The following HIPK1 variants were observed in gnomAD, a reference collection of about 807,000 sequenced individuals.
The protein encoded by HIPK1 is homeodomain-interacting protein kinase 1.
HIPK1 carries 28 observed loss-of-function variants against 117.1 expected under a neutral mutation model. That is an observed-to-expected ratio of 0.24 (90% confidence interval 0.18 to 0.33). HIPK1 has a LOEUF of 0.33. Among genes scored for constraint, HIPK1 ranks in the 10% least tolerant of loss-of-function variants. The pLI is 1.00. For missense variants in HIPK1, 1,122 were observed against 1,475.1 expected (o/e 0.76, Z 3.92); for synonymous variants, 605 against 562.5 (o/e 1.08, Z -1.07).
In HIPK1 at chr1:113,977,708, T is replaced by A. The variant is rs1673213015; in HGVS notation, c.*4196T>A. 1 of 152,732 alleles carries A rather than the reference T, an allele frequency of 6.5e-6. No individual in the cohort carries two copies. Among genetic ancestry groups the A allele is most frequent in the East Asian group, 1.9e-4 (1 of 5,252 alleles). The allele number at this position is 152,732 out of a possible 1,614,324, so 9.5% of individuals were successfully genotyped here. A position where few individuals can be genotyped will look rare whatever the true frequency, so the allele number is the denominator to read the frequency against. On this transcript the variant is annotated 3_prime_UTR_variant, in exon 16 of 16. Coordinates refer to ENST00000426820, the MANE Select transcript of HIPK1 (RefSeq NM_198268.3). The stretch of plus-strand genomic sequence containing the variant: ...TTGGATTCAATGTTTGTCTTTGGTT[T>A]TACAAAGTAGCTTGTATTTTCAGTA...
chr1:113,956,239 T>C (rs1191387946), intron 5 of HIPK1, among the ~76,000 whole-genome samples: 1 of 152,000 alleles, frequency 6.6e-6, no homozygotes, highest in East Asian at 1.9e-4. Context: ...CATGCCCGGC[T>C]AATTTTTGTA....
In HIPK1 at chr1:113,974,755, A is replaced by G. The variant is rs902838933; in HGVS notation, c.*1243A>G. The G allele has an allele frequency of 6.6e-6, 1 of 152,660 alleles. No homozygotes were observed. The highest frequency in any genetic ancestry group is 2.4e-5 in the African/African-American group (1 of 41,454). 9.5% of individuals were successfully genotyped at this position (152,660 alleles called of 1,614,324 possible). A position where few individuals can be genotyped will look rare whatever the true frequency, so the allele number is the denominator to read the frequency against. On this transcript the variant is annotated 3_prime_UTR_variant, in exon 16 of 16. Coordinates refer to ENST00000426820, the MANE Select transcript of HIPK1 (RefSeq NM_198268.3). ...GAAGTTTTGTAATGGTGGTGTTTTA[A>G]TATTTTACATAATTAAATATGTACA...
chr1:113,956,588 G>A, intron 5 of HIPK1, 39 bp from the exon 6 acceptor site: 1 of 1,518,434 alleles, frequency 6.6e-7, no homozygotes, highest in Non-Finnish European at 9.1e-7. Flanking sequence ...AGTGCCAAAG[G>A]TTAAGTGAAG....
chr1:113,938,493 C>G lies in HIPK1; in HGVS notation c.-2-1889C>G, dbSNP rs369065663. ...ATGGTTAAGAAGAGAGAGCAGTTAT[C>G]TGATTTGCATTGTTTAAAAGCAAAG... On this transcript the variant is annotated intron_variant, in intron 1 of 15. Transcript: ENST00000426820. Among the ~76,000 whole-genome samples, 4 of 152,094 alleles carry G rather than the reference C, an allele frequency of 2.6e-5. No individual in the cohort carries two copies. The East Asian group carries it at 5.8e-4, about 22-fold the overall frequency.
At chr1:113,950,746 A>G (rs1671304269) in intron 2 of HIPK1, among the ~76,000 whole-genome samples, 1 of 151,904 alleles carries the variant, frequency 6.6e-6, no homozygotes. Flanking sequence ...CAAGCAATCC[A>G]CTCACCTTGG....
intron 14 of HIPK1, 148 bp downstream of exon 14, chr1:113,970,345 C>A: frequency 1.2e-6 from 1 of 824,860 alleles, no homozygotes; most frequent in Non-Finnish European, 1.9e-6. Flanking sequence ...GTTCCCTGCA[C>A]AATGTGAAAT....
chr1:113,945,334 C>T (rs1670921606), intron 2 of HIPK1, among the ~76,000 whole-genome samples: 1 of 152,142 alleles, frequency 6.6e-6, no homozygotes, highest in African/African-American at 2.4e-5. Flanking sequence ...AAGTTTTTAA[C>T]TTTGGTGAAG....
At chr1:113,951,162 T>C (rs1340910095) in intron 2 of HIPK1, 1 of 901,560 alleles carries the variant, frequency 1.1e-6, no homozygotes, top group African/African-American at 1.8e-5. Flanking sequence ...GCAATATTTA[T>C]GTGTCATTTA....
At chr1:113,956,043 C>CACTATT (rs1332674508) in intron 5 of HIPK1, among the ~76,000 whole-genome samples, 1 of 147,518 alleles carries the variant, frequency 6.8e-6, no homozygotes, top group African/African-American at 2.5e-5. Flanking sequence ...TAGTAACAAT[C>CACTATT]ACTATTGCTT....
chr1:113,960,797 C>G (rs886566966), intron 8 of HIPK1, among the ~76,000 whole-genome samples: 1 of 152,082 alleles, frequency 6.6e-6, no homozygotes, highest in African/African-American at 2.4e-5. Context: ...TTACTATGCC[C>G]TCTTATTTTG....
chr1:113,954,960 T>C (rs944150099), intron 4 of HIPK1, among the ~76,000 whole-genome samples, 190 bp downstream of exon 4: 8 of 152,248 alleles, frequency 5.3e-5, no homozygotes, highest in Admixed American at 4.6e-4. Flanking sequence ...AATTGCTAGT[T>C]CAGTTGGCTG....
chr1:113,962,213 C>A, intron 8 of HIPK1, 104 bp from the exon 9 acceptor site: 1 of 1,210,642 alleles, frequency 8.3e-7, no homozygotes. Flanking sequence ...GGATTAAAAC[C>A]TGAACAGTGG....
chr1:113,946,242 T>C (rs116773414), intron 2 of HIPK1, among the ~76,000 whole-genome samples: 99 of 152,272 alleles, frequency 6.5e-4, no homozygotes, highest in Non-Finnish European at 2.4e-4. Context: ...CACTGAAGAA[T>C]TCAGCGCAGC....
intron 3 of HIPK1, 114 bp downstream of exon 3, chr1:113,953,003 A>G (rs1361878564): frequency 1.0e-6 from 1 of 969,706 alleles, no homozygotes; most frequent in Non-Finnish European, 1.4e-6. Flanking sequence ...GGGAAAGAGT[A>G]GTCCAATTGC....
Position 113,955,652 on chromosome 1 carries a change from G to T in HIPK1, c.1407+3G>T, listed in dbSNP as rs776093509. The T allele has an allele frequency of 4.5e-6, 7 of 1,556,250 alleles. No homozygotes were observed. Among genetic ancestry groups the T allele is most frequent in the East Asian group, 4.5e-5 (2 of 44,454 alleles). On this transcript the variant is annotated splice_donor_region_variant and intron_variant, in intron 5 of 15. Coordinates refer to ENST00000426820, the MANE Select transcript of HIPK1 (RefSeq NM_198268.3). ...ATTGCTTAGATGACATGGCTCAGGT[G>T]AGTACGGAAAGTTTCAGAAAGTCAG... is the stretch of plus-strand genomic sequence containing the variant.
chr1:113,966,874 C>G (rs1672485846), intron 11 of HIPK1, among the ~76,000 whole-genome samples: 2 of 150,606 alleles, frequency 1.3e-5, no homozygotes, highest in African/African-American at 4.9e-5. Context: ...CCATCCCTAC[C>G]TCCCCACTAG....
In HIPK1 at chr1:113,949,270, G is replaced by A. The variant is rs550590656; in HGVS notation, c.1077-3496G>A. On this transcript the variant is annotated intron_variant, in intron 2 of 15. Transcript: ENST00000426820. ...ATCAATATGCTGCCCTCCAATTGATGCTTTGGAATGTTCTAAACCCAGTTT... is the reference window on the plus strand; with the variant it reads ...ATCAATATGCTGCCCTCCAATTGATACTTTGGAATGTTCTAAACCCAGTTT... Among the ~76,000 whole-genome samples the A allele has an allele frequency of 2.8e-3, 431 of 152,262 alleles. 2 individuals carry two copies. The highest frequency in any genetic ancestry group is 4.6e-3 in the Non-Finnish European group (315 of 68,010).
chr1:113,941,559 G>T lies in HIPK1; in HGVS notation c.1076+100G>T. ...ACATATAGCAATGAATTTGTTTATA[G>T]ATTCTGAGATAGAAATAGGATATGT... is the stretch of plus-strand genomic sequence containing the variant. On this transcript the variant is annotated intron_variant, in intron 2 of 15. Coordinates refer to ENST00000426820, the MANE Select transcript of HIPK1 (RefSeq NM_198268.3). The surrounding 1 kb of genome is among the most constrained non-coding windows in gnomAD (Gnocchi z 4.9). 3 of 883,670 alleles carry T rather than the reference G, an allele frequency of 3.4e-6. No homozygotes were observed. The highest frequency in any genetic ancestry group is 4.8e-5 in the Admixed American group (2 of 41,960). 54.7% of individuals were successfully genotyped at this position (883,670 alleles called of 1,614,324 possible).
intron 14 of HIPK1, 84 bp downstream of exon 14, chr1:113,970,281 G>C: frequency 4.9e-6 from 7 of 1,419,106 alleles, no homozygotes; most frequent in Non-Finnish European, 6.9e-6. Context: ...ACTTATATCA[G>C]TGGTAGAGAC....
Sources: allele counts gnomAD v4.1 joint callset (sites outside exome capture counted in the v4.1 genomes callset), GRCh38; gene constraint gnomAD v4.1.1; non-coding constraint Gnocchi (gnomAD v3.1); transcripts MANE v1.5; gene names NCBI Gene and HGNC (gene_info 2026-07-23, HGNC 2026-07-21).